ADAMTS17: variants seen among roughly 807,000 people sequenced by gnomAD.
ADAMTS17 encodes the protein ADAM metallopeptidase with thrombospondin type 1 motif 17.
ADAMTS17 carries 113 observed loss-of-function variants against 141.5 expected under a neutral mutation model. The observed-to-expected ratio is 0.80, with a 90% CI of 0.69 to 0.93. The LOEUF is 0.93. Among genes scored for constraint, ADAMTS17 ranks in the 40% least tolerant of loss-of-function variants. The probability of loss-of-function intolerance (pLI) is 0.00; values close to 1 mark genes in which losing one functional copy is unlikely to be tolerated. For missense variants in ADAMTS17, 1,659 were observed against 1,517.9 expected (o/e 1.09, Z -1.54); for synonymous variants, 768 against 630.6 (o/e 1.22, Z -3.27).
At chr15:100,034,523 G>T (rs939850420) in intron 18 of ADAMTS17, among the ~76,000 whole-genome samples, 1 of 152,238 alleles carries the variant, frequency 6.6e-6, no homozygotes, top group Non-Finnish European at 1.5e-5. Flanking sequence ...AGCACAGTGA[G>T]CCCCTGCAGA....
intron 15 of ADAMTS17, 65 bp downstream of exon 15, chr15:100,096,291 T>A: frequency 3.1e-6 from 5 of 1,605,790 alleles, no homozygotes; most frequent in Middle Eastern, 3.9e-4. Context: ...AAGACTGCAA[T>A]CAATAGCTGT....
At chr15:100,174,577 CT>C (rs986421336) in intron 8 of ADAMTS17, among the ~76,000 whole-genome samples, 1 of 152,172 alleles carries the variant, frequency 6.6e-6, no homozygotes, top group South Asian at 2.1e-4. Context: ...TAAAGCAATA[CT>C]TTTTTACCTT....
At chr15:100,329,182 C>T (rs1379161538) in intron 3 of ADAMTS17, among the ~76,000 whole-genome samples, 1 of 152,176 alleles carries the variant, frequency 6.6e-6, no homozygotes, top group Non-Finnish European at 1.5e-5. Flanking sequence ...AGAAATCCCT[C>T]TGCCTCTGTG....
chr15:100,004,685 ATC>A (rs2061003518), intron 18 of ADAMTS17, among the ~76,000 whole-genome samples: 2 of 147,896 alleles, frequency 1.4e-5, no homozygotes, highest in Non-Finnish European at 3.0e-5. Context: ...CAATGGCGCA[ATC>A]TCGGCGCACT....
chr15:100,327,211 T>A (rs996744399), intron 3 of ADAMTS17, among the ~76,000 whole-genome samples: 2 of 152,232 alleles, frequency 1.3e-5, no homozygotes, highest in African/African-American at 4.8e-5. Context: ...GATATACACG[T>A]ATTATACGTG....
At chr15:100,013,113 G>A (rs937395984) in intron 18 of ADAMTS17, among the ~76,000 whole-genome samples, 1 of 152,064 alleles carries the variant, frequency 6.6e-6, no homozygotes, top group African/African-American at 2.4e-5. Flanking sequence ...TCTTGGTTAG[G>A]TATATTCCTA....
intron 8 of ADAMTS17, among the ~76,000 whole-genome samples, chr15:100,163,298 C>G (rs77877195): frequency 6.6e-6 from 1 of 152,038 alleles, no homozygotes; most frequent in Non-Finnish European, 1.5e-5. Context: ...AGTCAGCAAG[C>G]GTGTGTTTGC....
At chr15:100,189,302 G>T (rs148923463) in intron 8 of ADAMTS17, among the ~76,000 whole-genome samples, 1 of 152,350 alleles carries the variant, frequency 6.6e-6, no homozygotes, top group African/African-American at 2.4e-5. Context: ...TCAACTGGGG[G>T]ACGGTATATG....
intron 6 of ADAMTS17, among the ~76,000 whole-genome samples, chr15:100,260,553 G>A (rs575175330): frequency 6.6e-6 from 1 of 151,718 alleles, no homozygotes; most frequent in Admixed American, 6.6e-5. Flanking sequence ...CGCAGAGGTT[G>A]CAGTGAGCCA....
At chr15:100,002,763 C>T (rs1278715909) in intron 18 of ADAMTS17, among the ~76,000 whole-genome samples, 2 of 152,056 alleles carry the variant, frequency 1.3e-5, no homozygotes, top group African/African-American at 2.4e-5. Context: ...CAGTGAGGGG[C>T]GGCTGGCTGT....
At chr15:100,014,677 T>C (rs1181837622) in intron 18 of ADAMTS17, among the ~76,000 whole-genome samples, 1 of 152,208 alleles carries the variant, frequency 6.6e-6, no homozygotes, top group African/African-American at 2.4e-5. Flanking sequence ...TTTTGAAGGT[T>C]CCTTTTGGAG....
intron 3 of ADAMTS17, among the ~76,000 whole-genome samples, chr15:100,296,628 CGCACGT>C (rs2044831916): frequency 6.6e-6 from 1 of 151,192 alleles, no homozygotes; most frequent in South Asian, 2.1e-4. Flanking sequence ...CGCATGCACG[CGCACGT>C]GCATTTACGA....
intron 4 of ADAMTS17, among the ~76,000 whole-genome samples, chr15:100,277,310 G>A (rs1197752849): frequency 6.6e-6 from 1 of 151,940 alleles, no homozygotes; most frequent in Non-Finnish European, 1.5e-5. Context: ...GCAAAAAACA[G>A]AGCCCTTCAG....
At chr15:100,293,958 C>G (rs1350963455) in intron 3 of ADAMTS17, among the ~76,000 whole-genome samples, 1 of 152,166 alleles carries the variant, frequency 6.6e-6, no homozygotes, top group Non-Finnish European at 1.5e-5. Flanking sequence ...TCGTAAGGTG[C>G]CCAACTTTGA....
intron 18 of ADAMTS17, among the ~76,000 whole-genome samples, chr15:100,033,127 G>C (rs554819639): frequency 1.3e-5 from 2 of 152,172 alleles, no homozygotes; most frequent in Non-Finnish European, 2.9e-5. Context: ...CAGTGAACAG[G>C]GTTGAACCAG....
At chr15:100,003,678 A>C (rs1266619208) in intron 18 of ADAMTS17, among the ~76,000 whole-genome samples, 1 of 152,156 alleles carries the variant, frequency 6.6e-6, no homozygotes, top group Non-Finnish European at 1.5e-5. Context: ...ATATGCATAC[A>C]AGGGAATATT....
intron 8 of ADAMTS17, among the ~76,000 whole-genome samples, chr15:100,177,469 T>C (rs1425183747): frequency 2.6e-5 from 4 of 152,230 alleles, no homozygotes; most frequent in African/African-American, 4.8e-5. Context: ...CTTTTTGTTA[T>C]TGATTTTCAG....
chr15:100,009,392 G>C (rs1366219393), intron 18 of ADAMTS17, among the ~76,000 whole-genome samples: 1 of 152,092 alleles, frequency 6.6e-6, no homozygotes, highest in African/African-American at 2.4e-5. Context: ...GACCCTGAAA[G>C]TTCCAGGTGC....
Position 100,132,087 on chromosome 15 carries a change from G to A in ADAMTS17, c.1641C>T (p.Ser547=), listed in dbSNP as rs766874425. 5 of 1,614,152 alleles carry A rather than the reference G, an allele frequency of 3.1e-6. No individual in the cohort carries two copies. In the East Asian group the frequency reaches 8.9e-5, roughly 29 times the overall value. ...PIPEHVDGDW[S]PWGAWSMCSR... is the part of the protein sequence containing the mutation. ...TGCACATGCTCCAGGCGCCCCACGG[G>A]CTCCAGTCTCCGTCCACATGCTCCG... is the stretch of plus-strand genomic sequence containing the variant. Residue 547 remains serine (S), a synonymous_variant, in exon 12 of 22, where the codon AGC becomes AGT. Coordinates refer to ENST00000268070, the MANE Select transcript of ADAMTS17 (RefSeq NM_139057.4).
Sources: gnomAD v4.1 joint callset for allele counts (sites outside exome capture counted in the v4.1 genomes callset) on GRCh38, gnomAD v4.1.1 for gene constraint, MANE v1.5 for transcripts, NCBI Gene and HGNC (gene_info 2026-07-23, HGNC 2026-07-21) for gene names.